The following GNAO1 variants were observed in gnomAD, a reference collection of about 807,000 sequenced individuals.
GNAO1 encodes guanine nucleotide-binding protein G(o) subunit alpha.
For synonymous variants in GNAO1, 164 were observed against 180.7 expected (o/e 0.91, Z 0.74); for missense variants, 166 against 478.7 (o/e 0.35, Z 6.10).
At chr16:56,202,952 G>A (rs1466569066) in intron 2 of GNAO1, among the ~76,000 whole-genome samples, 2 of 152,234 alleles carry the variant, frequency 1.3e-5, no homozygotes, top group African/African-American at 4.8e-5. Context: ...ATCGGACGCA[G>A]TAATTGCAGA....
intron 6 of GNAO1, among the ~76,000 whole-genome samples, chr16:56,350,705 C>A (rs1352093863): frequency 6.6e-6 from 1 of 152,138 alleles, no homozygotes; most frequent in East Asian, 1.9e-4. Context: ...GGAGCCTCTC[C>A]CCTGAGTGGT....
chr16:56,201,642 G>T (rs560952429), intron 2 of GNAO1, among the ~76,000 whole-genome samples: 3 of 152,328 alleles, frequency 2.0e-5, no homozygotes, highest in African/African-American at 4.8e-5. Flanking sequence ...TGGTAGTGTG[G>T]GTGGGGAAAG....
At chr16:56,337,945 C>G (rs1025923794) in intron 6 of GNAO1, among the ~76,000 whole-genome samples, 4 of 152,194 alleles carry the variant, frequency 2.6e-5, no homozygotes, top group Non-Finnish European at 5.9e-5. Flanking sequence ...GCAAATCCCC[C>G]ACCCCACGCC....
intron 2 of GNAO1, among the ~76,000 whole-genome samples, chr16:56,274,572 C>T (rs1221861106): frequency 2.6e-5 from 4 of 152,130 alleles, no homozygotes; most frequent in African/African-American, 9.7e-5. Flanking sequence ...CAGTGGAATA[C>T]TATTCAGTAA....
chr16:56,210,622 T>C (rs1383711280), intron 2 of GNAO1, among the ~76,000 whole-genome samples: 1 of 152,242 alleles, frequency 6.6e-6, no homozygotes, highest in South Asian at 2.1e-4. Context: ...AATATGTATG[T>C]TGTGGTATCT....
chr16:56,320,705 A>G (rs529778929), intron 3 of GNAO1, among the ~76,000 whole-genome samples: 145 of 152,218 alleles, frequency 9.5e-4, no homozygotes, highest in African/African-American at 3.3e-3. Context: ...CTGGGCCCTT[A>G]ATGATTACAA....
chr16:56,345,795 G>T, intron 6 of GNAO1: 7 of 985,590 alleles, frequency 7.1e-6, no homozygotes, highest in Non-Finnish European at 7.2e-6. Context: ...ACCACGCTGG[G>T]TGAGGCCAGT....
chr16:56,264,998 A>C (rs915841180), intron 2 of GNAO1, among the ~76,000 whole-genome samples: 6 of 152,174 alleles, frequency 3.9e-5, no homozygotes, highest in African/African-American at 1.4e-4. Flanking sequence ...ATTTGTGCCC[A>C]AGTTATTCAT....
chr16:56,251,939 A>G (rs1438149370), intron 2 of GNAO1, among the ~76,000 whole-genome samples: 2 of 152,166 alleles, frequency 1.3e-5, no homozygotes, highest in African/African-American at 4.8e-5. Context: ...TGGGGCCCAG[A>G]CAGAACCAGA....
intron 2 of GNAO1, among the ~76,000 whole-genome samples, chr16:56,227,946 G>A (rs574294194): frequency 3.3e-5 from 5 of 152,150 alleles, no homozygotes; most frequent in Non-Finnish European, 5.9e-5. Context: ...CAGGTAGTCT[G>A]AGAGGAGCAC....
At chr16:56,274,841 A>G (rs1306385000) in intron 2 of GNAO1, among the ~76,000 whole-genome samples, 6 of 152,368 alleles carry the variant, frequency 3.9e-5, no homozygotes, top group Admixed American at 3.9e-4. Context: ...GATTGTGGTG[A>G]TGATTGACCA....
intron 2 of GNAO1, among the ~76,000 whole-genome samples, chr16:56,209,801 C>A (rs1035962521): frequency 1.3e-5 from 2 of 152,042 alleles, no homozygotes; most frequent in African/African-American, 4.8e-5. Flanking sequence ...AATTCCCATA[C>A]GTCCCTCCCC....
chr16:56,311,437 C>T lies in GNAO1; in HGVS notation c.304-17194C>T, dbSNP rs1447027862. Among the ~76,000 whole-genome samples, 8 of 152,230 alleles carry T rather than the reference C, an allele frequency of 5.3e-5. No individual in the cohort carries two copies. The highest frequency in any genetic ancestry group is 5.2e-4 in the Admixed American group (8 of 15,298). Reference sequence around the variant, plus strand: ...GAGTTGATACCCTTCCCCACCCGGGCCTGACCCCATACCCAGAGTCACCCA... The same window carrying T: ...GAGTTGATACCCTTCCCCACCCGGGTCTGACCCCATACCCAGAGTCACCCA... On this transcript the variant is annotated intron_variant, in intron 3 of 8. Transcript: ENST00000262493. The surrounding 1 kb of genome is among the most constrained non-coding windows in gnomAD (Gnocchi z 5.2).
intron 3 of GNAO1, among the ~76,000 whole-genome samples, chr16:56,279,138 A>G (rs1475333398): frequency 6.6e-6 from 1 of 152,066 alleles, no homozygotes; most frequent in African/African-American, 2.4e-5. Context: ...TGCCGGGGCC[A>G]GCCAGCCTTG....
intron 2 of GNAO1, among the ~76,000 whole-genome samples, chr16:56,268,424 C>G (rs2036980454): frequency 6.6e-6 from 1 of 152,196 alleles, no homozygotes; most frequent in Admixed American, 6.5e-5. Context: ...AAGAGACCTT[C>G]CAGCAGGCTG....
chr16:56,224,719 G>T (rs1254625433), intron 2 of GNAO1, among the ~76,000 whole-genome samples: 2 of 152,202 alleles, frequency 1.3e-5, no homozygotes. Flanking sequence ...GACCTCAAGT[G>T]ATCCACCAAA....
At chr16:56,334,488 G>GTGT (rs1266400211) in intron 4 of GNAO1, among the ~76,000 whole-genome samples, 1 of 152,208 alleles carries the variant, frequency 6.6e-6, no homozygotes, top group African/African-American at 2.4e-5. Flanking sequence ...TCTTGTCTGA[G>GTGT]TGTCCCGGGA....
chr16:56,245,598 C>T (rs1431201109), intron 2 of GNAO1: 4 of 154,746 alleles, frequency 2.6e-5, no homozygotes, highest in Admixed American at 2.0e-4. Context: ...GCACCAGCCA[C>T]CCTAAGCAAA....
chr16:56,340,991 GA>G, intron 6 of GNAO1: 1 of 1,612,640 alleles, frequency 6.2e-7, no homozygotes, highest in Non-Finnish European at 8.5e-7. Flanking sequence ...TATACAGGTA[GA>G]GACCCCTCCA....
Sources: gnomAD v4.1 joint callset for allele counts (sites outside exome capture counted in the v4.1 genomes callset) on GRCh38, gnomAD v4.1.1 for gene constraint, Gnocchi (gnomAD v3.1) non-coding constraint, MANE v1.5 for transcripts, NCBI Gene and HGNC (gene_info 2026-07-23, HGNC 2026-07-21) for gene names.